STPG1: variants seen among roughly 807,000 people sequenced by gnomAD.
STPG1 encodes the protein O(6)-methylguanine-induced apoptosis 2.
STPG1 carries 33 observed loss-of-function variants against 40.1 expected under a neutral mutation model. The observed-to-expected ratio is 0.82, with a 90% CI of 0.62 to 1.10. STPG1 has a LOEUF of 1.10. STPG1 is among the 50% of genes least tolerant of loss of function. The probability of loss-of-function intolerance (pLI) is 0.00; values close to 1 mark genes in which losing one functional copy is unlikely to be tolerated. For missense variants in STPG1, 396 were observed against 415.1 expected, an observed-to-expected ratio of 0.95 and a Z score of 0.40; for synonymous variants, 150 against 155.0, an observed-to-expected ratio of 0.97 and a Z score of 0.24.
chr1:24,383,886 G>C lies in STPG1; in HGVS notation c.291+16C>G. The C allele has an allele frequency of 2.0e-6, 3 of 1,515,004 alleles. No individual in the cohort carries two copies. Among genetic ancestry groups the C allele is most frequent in the Non-Finnish European group, 2.8e-6 (3 of 1,089,762 alleles). The allele number at this position is 1,515,004 out of a possible 1,614,324, so 93.8% of individuals were successfully genotyped here. A position where few individuals can be genotyped will look rare whatever the true frequency, so the allele number is the denominator to read the frequency against. ...ACTGACCAGTTAATGCTTTACTCAA[G>C]AGAAGTGGTTCTCACCATTGAGGGA... On this transcript the variant is annotated intron_variant, in intron 4 of 8. Transcript: ENST00000337248.
intron 1 of STPG1, chr1:24,411,582 C>A (rs1268559765): frequency 6.6e-6 from 1 of 152,242 alleles, no homozygotes; most frequent in South Asian, 2.1e-4. Flanking sequence ...GCTAGGACTA[C>A]AGACACCTGC....
intron 4 of STPG1, 114 bp from the exon 5 acceptor site, chr1:24,379,937 GAA>G: frequency 9.6e-7 from 1 of 1,047,082 alleles, no homozygotes; most frequent in South Asian, 1.7e-5. Flanking sequence ...TATAAAAGGC[GAA>G]ACTCTGGCAG....
chr1:24,366,525 T>C (rs557220175), intron 7 of STPG1, among the ~76,000 whole-genome samples: 1 of 152,360 alleles, frequency 6.6e-6, no homozygotes, highest in Non-Finnish European at 1.5e-5. Context: ...TTTTTTAGAA[T>C]AGTCCAAAGC....
chr1:24,412,199 G>A (rs966882901), intron 1 of STPG1, among the ~76,000 whole-genome samples: 3 of 152,198 alleles, frequency 2.0e-5, no homozygotes, highest in Non-Finnish European at 4.4e-5. Flanking sequence ...GAATTTGAAG[G>A]CAGTTGTCGT....
In STPG1 at chr1:24,357,337, A is replaced by G. The variant is rs1640788142; in HGVS notation, c.*1206T>C. The G allele has an allele frequency of 6.6e-6, 1 of 151,964 alleles. No individual in the cohort carries two copies. The highest frequency in any genetic ancestry group is 2.4e-5 in the African/African-American group (1 of 41,360). The allele number at this position is 151,964 out of a possible 1,614,324, so 9.4% of individuals were successfully genotyped here. A position where few individuals can be genotyped will look rare whatever the true frequency, so the allele number is the denominator to read the frequency against. ...GGTGCTCTGCGTGTACAAAGTTCCC[A>G]CCTCCTGAACTTCCCACCCAGCTCC... On this transcript the variant is annotated 3_prime_UTR_variant, in exon 9 of 9. Transcript: ENST00000337248.
chr1:24,379,426 C>T, intron 5 of STPG1: 1 of 534,310 alleles, frequency 1.9e-6, no homozygotes, highest in South Asian at 2.3e-5. Context: ...GGGCAGTGGC[C>T]TCCCCACAGC....
intron 1 of STPG1, among the ~76,000 whole-genome samples, chr1:24,403,571 T>C (rs565905501): frequency 2.2e-4 from 33 of 152,312 alleles, no homozygotes; most frequent in Non-Finnish European, 4.3e-4. Flanking sequence ...CTTAACTTTG[T>C]TGAGTATTAT....
At chr1:24,387,056 G>A (rs750118876) in intron 3 of STPG1, among the ~76,000 whole-genome samples, 7 of 152,138 alleles carry the variant, frequency 4.6e-5, no homozygotes, top group Non-Finnish European at 1.0e-4. Context: ...TGCCTCCATG[G>A]AGCCAGGACC....
At chr1:24,371,190 TAAGAC>T (rs1641721089) in intron 6 of STPG1, among the ~76,000 whole-genome samples, 1 of 152,204 alleles carries the variant, frequency 6.6e-6, no homozygotes, top group Non-Finnish European at 1.5e-5. Flanking sequence ...CAATTTTCAA[TAAGAC>T]AATACTGGCT....
At chr1:24,407,073 T>C (rs1643441979) in intron 1 of STPG1, among the ~76,000 whole-genome samples, 1 of 152,200 alleles carries the variant, frequency 6.6e-6, no homozygotes, top group African/African-American at 2.4e-5. Context: ...TCCCCATTCC[T>C]TTTTCCCTGC....
chr1:24,381,023 T>A (rs1410472354), intron 4 of STPG1, among the ~76,000 whole-genome samples: 1 of 152,166 alleles, frequency 6.6e-6, no homozygotes, highest in African/African-American at 2.4e-5. Flanking sequence ...TTGTGTTGAA[T>A]CCTCAGGACA....
chr1:24,384,090 T>C (rs1363388263), intron 3 of STPG1, 87 bp from the exon 4 acceptor site: 4 of 827,190 alleles, frequency 4.8e-6, no homozygotes, highest in East Asian at 5.0e-5. Context: ...ACACTAAGCC[T>C]TACTGTAATC....
intron 1 of STPG1, among the ~76,000 whole-genome samples, chr1:24,407,327 T>C (rs957704780): frequency 6.6e-6 from 1 of 152,240 alleles, no homozygotes; most frequent in African/African-American, 2.4e-5. Flanking sequence ...TACAGTTATA[T>C]TAGATCATTT....
chr1:24,395,243 T>G (rs1642944985), intron 2 of STPG1, among the ~76,000 whole-genome samples: 2 of 151,762 alleles, frequency 1.3e-5, no homozygotes, highest in South Asian at 4.1e-4. Flanking sequence ...TAAAAACTTT[T>G]AAAACTATAT....
At chr1:24,411,772 T>C (rs1442559604) in intron 1 of STPG1, 1 of 152,214 alleles carries the variant, frequency 6.6e-6, no homozygotes, top group Non-Finnish European at 1.5e-5. Flanking sequence ...ATATTGCATA[T>C]AGTTTTCAAA....
At chr1:24,388,329 T>C (rs889569156) in intron 3 of STPG1, among the ~76,000 whole-genome samples, 11 of 152,174 alleles carry the variant, frequency 7.2e-5, no homozygotes, top group Admixed American at 1.3e-4. Flanking sequence ...TGCTGGGCCA[T>C]GCTCTGCCAC....
chr1:24,408,156 A>C (rs1222272953), intron 1 of STPG1, among the ~76,000 whole-genome samples: 1 of 152,254 alleles, frequency 6.6e-6, no homozygotes, highest in Admixed American at 6.5e-5. Context: ...TCAAGCTTTT[A>C]AACTTTGTTA....
At chr1:24,364,282 G>A in intron 7 of STPG1, 2 of 1,549,474 alleles carry the variant, frequency 1.3e-6, no homozygotes, top group Non-Finnish European at 8.7e-7. Context: ...CATGGGTTTT[G>A]GAGATGGATT....
chr1:24,358,257 A>G lies in STPG1; in HGVS notation c.*286T>C, dbSNP rs772145990. Reference sequence around the variant, plus strand: ...GGAGTCGTGCCGGAAGGCAGCCTGGATGGGTGCGTGGGGAAGCAGCCAGGG... The same window carrying G: ...GGAGTCGTGCCGGAAGGCAGCCTGGGTGGGTGCGTGGGGAAGCAGCCAGGG... On this transcript the variant is annotated 3_prime_UTR_variant, in exon 9 of 9. Coordinates refer to ENST00000337248, the MANE Select transcript of STPG1 (RefSeq NM_001199013.2). The G allele has an allele frequency of 6.4e-6, 4 of 627,848 alleles. No individual in the cohort carries two copies. Among genetic ancestry groups the G allele is most frequent in the African/African-American group, 5.4e-5 (3 of 55,622 alleles). The allele number at this position is 627,848 out of a possible 1,614,324, so 38.9% of individuals were successfully genotyped here. A position where few individuals can be genotyped will look rare whatever the true frequency, so the allele number is the denominator to read the frequency against.
Sources: allele counts gnomAD v4.1 joint callset (sites outside exome capture counted in the v4.1 genomes callset), GRCh38; gene constraint gnomAD v4.1.1; transcripts MANE v1.5; gene names NCBI Gene and HGNC (gene_info 2026-07-23, HGNC 2026-07-21).